KLHL22: variants seen among roughly 807,000 people sequenced by gnomAD.
KLHL22 encodes kelch like family member 22, also known as kelch-like protein 22.
A neutral mutation model predicts 60.7 loss-of-function variants in KLHL22; 18 were observed. The observed-to-expected ratio is 0.30, with a 90% confidence interval of 0.20 to 0.44. KLHL22 has a LOEUF of 0.44. Ranked by LOEUF, KLHL22 falls within the 20% of genes least tolerant of loss-of-function variation. The pLI is 1.00. For synonymous variants in KLHL22, 355 were observed against 354.5 expected (o/e 1.00, Z -0.01); for missense variants, 596 against 852.3 (o/e 0.70, Z 3.74).
intron 6 of KLHL22, 65 bp downstream of exon 6, chr22:20,446,378 C>T: frequency 1.1e-6 from 1 of 925,636 alleles, no homozygotes; most frequent in South Asian, 1.4e-5. Context: ...ATTACATTTT[C>T]CATCAATAAC....
At chr22:20,471,248 G>C in intron 3 of KLHL22, 102 bp downstream of exon 3, 7 of 1,119,060 alleles carry the variant, frequency 6.3e-6, no homozygotes, top group Non-Finnish European at 6.4e-6. Flanking sequence ...TCACATTCCT[G>C]ACCCATCTTC....
chr22:20,470,588 G>T (rs2053298831), intron 3 of KLHL22, among the ~76,000 whole-genome samples: 2 of 152,214 alleles, frequency 1.3e-5, no homozygotes, highest in African/African-American at 4.8e-5. Context: ...GGTTGAGGCT[G>T]CAGTGAGCTG....
intron 2 of KLHL22, among the ~76,000 whole-genome samples, chr22:20,488,353 AGAC>A (rs1411595488): frequency 6.6e-6 from 1 of 152,230 alleles, no homozygotes; most frequent in Non-Finnish European, 1.5e-5. Context: ...AGAGCAGTGC[AGAC>A]AACAGGGCAA....
chr22:20,455,762 AG>A (rs1222655511), intron 5 of KLHL22, among the ~76,000 whole-genome samples: 1 of 152,198 alleles, frequency 6.6e-6, no homozygotes. Context: ...TGAAGATTTA[AG>A]ATGCTAATGA....
Position 20,444,779 on chromosome 22 carries a change from T to TTTTGTTTG in KLHL22, c.1539+1656_1539+1663dup, listed in dbSNP as rs150439544. Among the ~76,000 whole-genome samples, 466 of 151,472 alleles carry TTTTGTTTG rather than the reference T, an allele frequency of 3.1e-3. 1 individual carries two copies. The highest frequency in any genetic ancestry group is 0.017 in the Middle Eastern group (5 of 294). On this transcript the variant is annotated intron_variant, in intron 6 of 6. Coordinates refer to ENST00000328879, the MANE Select transcript of KLHL22 (RefSeq NM_032775.4). ...GCAGAATGGGATATGGGATGCTCTT[T>TTTTGTTTG]TTTGTTTGTTTGTTTGTTTGTTTGA...
Position 20,495,643 on chromosome 22 carries a change from C to A in KLHL22, c.-34+117G>T, listed in dbSNP as rs1355937018. The A allele has an allele frequency of 6.6e-6, 1 of 150,978 alleles. No homozygotes were observed. The highest frequency in any genetic ancestry group is 1.5e-5 in the Non-Finnish European group (1 of 67,284). 9.4% of individuals were successfully genotyped at this position (150,978 alleles called of 1,614,324 possible). On this transcript the variant is annotated intron_variant, in intron 1 of 6. Transcript: ENST00000328879. This position sits in a 1 kb window ranked among gnomAD's most constrained non-coding sequence, Gnocchi z 4.6. ...CCCGAGCCTCCGGCCCGCGCCCGCCCCCGCGCCCCTCGGACTCCGCGCCGC... is the reference window on the plus strand; with the variant it reads ...CCCGAGCCTCCGGCCCGCGCCCGCCACCGCGCCCCTCGGACTCCGCGCCGC...
intron 2 of KLHL22, among the ~76,000 whole-genome samples, chr22:20,480,432 C>T (rs950234910): frequency 6.6e-6 from 1 of 152,164 alleles, no homozygotes; most frequent in Non-Finnish European, 1.5e-5. Context: ...ACGGAACACT[C>T]CACAGCACAG....
In KLHL22 at chr22:20,442,012, C is replaced by A; in HGVS notation, c.*61G>T. 6.8e-7 allele frequency: 1 copy of A among 1,477,902 alleles called. No individual in the cohort carries two copies. Among genetic ancestry groups the A allele is most frequent in the Non-Finnish European group, 9.0e-7 (1 of 1,111,542 alleles). 91.5% of individuals were successfully genotyped at this position (1,477,902 alleles called of 1,614,324 possible). A position where few individuals can be genotyped will look rare whatever the true frequency, so the allele number is the denominator to read the frequency against. ...GAGTAAAGTGCTCTGGCCTAGGCTG[C>A]GTGGGTTTCACTGCCCTGCAGCCCC... On this transcript the variant is annotated 3_prime_UTR_variant, in exon 7 of 7. Coordinates refer to ENST00000328879, the MANE Select transcript of KLHL22 (RefSeq NM_032775.4).
At chr22:20,464,689 C>G (rs577949285) in intron 4 of KLHL22, among the ~76,000 whole-genome samples, 169 bp downstream of exon 4, 2 of 152,326 alleles carry the variant, frequency 1.3e-5, no homozygotes, top group Non-Finnish European at 2.9e-5. Context: ...GTCCCCTTCT[C>G]TTATCTCACT....
intron 2 of KLHL22, chr22:20,483,258 G>A (rs2053534698): frequency 2.9e-6 from 2 of 697,684 alleles, no homozygotes; most frequent in African/African-American, 1.7e-5. Flanking sequence ...TGGACTGCAT[G>A]GTGACCACTG....
At chr22:20,490,690 A>G (rs1466907872) in intron 1 of KLHL22, among the ~76,000 whole-genome samples, 1 of 152,226 alleles carries the variant, frequency 6.6e-6, no homozygotes, top group African/African-American at 2.4e-5. Context: ...ATTATCAGGC[A>G]TTAGCTAGAT....
chr22:20,442,303 G>C lies in KLHL22; in HGVS notation c.1675C>G (p.Arg559Gly), dbSNP rs1284892370. 4 of 1,613,962 alleles carry C rather than the reference G, an allele frequency of 2.5e-6. No homozygotes were observed. Among genetic ancestry groups the C allele is most frequent in the Non-Finnish European group, 2.5e-6 (3 of 1,180,024 alleles). The change falls in exon 7 of 7, where the codon CGC becomes GGC. Residue 559 changes from arginine (R) to glycine (G), a missense_variant. Transcript: ENST00000328879. ...LGGRSHNRGSRTGYVHIYDVE... is the reference protein window; with the variant it reads ...LGGRSHNRGSGTGYVHIYDVE... ...TCGTAAATGTGCACGTAGCCTGTGC[G>C]GCTGCCGCGGTTGTGTGAGCGGCCA...
chr22:20,486,582 G>A (rs1160632701), intron 2 of KLHL22, among the ~76,000 whole-genome samples: 1 of 151,912 alleles, frequency 6.6e-6, no homozygotes, highest in East Asian at 1.9e-4. Flanking sequence ...ATATTTACCA[G>A]TCATACTGGG....
intron 2 of KLHL22, among the ~76,000 whole-genome samples, chr22:20,472,760 G>A (rs1390453451): frequency 6.6e-6 from 1 of 152,114 alleles, no homozygotes; most frequent in Non-Finnish European, 1.5e-5. Flanking sequence ...TAAATGCTAA[G>A]AAGGAACCCA....
intron 5 of KLHL22, among the ~76,000 whole-genome samples, chr22:20,453,402 A>G (rs1478385031): frequency 6.6e-6 from 1 of 152,130 alleles, no homozygotes; most frequent in Non-Finnish European, 1.5e-5. Context: ...TTGCTGAAAG[A>G]TATCTTTCCT....
intron 2 of KLHL22, among the ~76,000 whole-genome samples, chr22:20,474,200 C>T (rs1479167992): frequency 1.3e-5 from 2 of 151,976 alleles, no homozygotes; most frequent in Admixed American, 6.6e-5. Context: ...CGGGTTTCAC[C>T]GTGTTAGCCA....
At chr22:20,486,318 T>C (rs1569145729) in intron 2 of KLHL22, among the ~76,000 whole-genome samples, 1 of 152,170 alleles carries the variant, frequency 6.6e-6, no homozygotes, top group South Asian at 2.1e-4. Flanking sequence ...GTTGGGATCA[T>C]CTTCCACCAG....
chr22:20,467,933 C>T (rs2053260470), intron 3 of KLHL22, among the ~76,000 whole-genome samples: 1 of 152,222 alleles, frequency 6.6e-6, no homozygotes, highest in Non-Finnish European at 1.5e-5. Context: ...GCTGGGATTA[C>T]AGGCGTGAGC....
chr22:20,480,535 T>C (rs954503994), intron 2 of KLHL22, among the ~76,000 whole-genome samples: 3 of 152,094 alleles, frequency 2.0e-5, no homozygotes, highest in African/African-American at 7.2e-5. Context: ...TGGTGTGAGA[T>C]GGGGGAGAAA....
Sources: gnomAD v4.1 joint callset for allele counts (sites outside exome capture counted in the v4.1 genomes callset) on GRCh38, gnomAD v4.1.1 for gene constraint, Gnocchi (gnomAD v3.1) non-coding constraint, MANE v1.5 for transcripts, NCBI Gene and HGNC (gene_info 2026-07-23, HGNC 2026-07-21) for gene names.